APP: variants seen among roughly 807,000 people sequenced by gnomAD.
The protein encoded by APP is amyloid-beta precursor protein.
A neutral mutation model predicts 101.4 loss-of-function variants in APP; 31 were observed. That is an observed-to-expected ratio of 0.31 (90% CI 0.23 to 0.41). The LOEUF (loss-of-function observed/expected upper bound fraction) is 0.41, where lower values mean the gene tolerates loss of function less well. Ranked by LOEUF, APP falls within the 10% of genes least tolerant of loss-of-function variation. The pLI is 1.00. For synonymous variants in APP, 366 were observed against 364.4 expected (o/e 1.00, Z -0.05); for missense variants, 839 against 1,003.7 (o/e 0.84, Z 2.22).
intron 5 of APP, among the ~76,000 whole-genome samples, chr21:26,047,104 C>T (rs866787270): frequency 4.6e-5 from 7 of 152,098 alleles, no homozygotes; most frequent in Admixed American, 3.3e-4. Context: ...ATTTCTGAAA[C>T]ACTACCTGTT....
At chr21:25,988,134 G>A (rs1826545179) in intron 8 of APP, among the ~76,000 whole-genome samples, 1 of 152,138 alleles carries the variant, frequency 6.6e-6, no homozygotes, top group Non-Finnish European at 1.5e-5. Flanking sequence ...GGAAGGACAT[G>A]GCAGGCAGAT....
chr21:25,958,470 G>A (rs1372720026), intron 11 of APP, among the ~76,000 whole-genome samples: 4 of 152,072 alleles, frequency 2.6e-5, no homozygotes, highest in East Asian at 3.9e-4. Flanking sequence ...GTAGAGACGG[G>A]GTTTCGCCAT....
At chr21:25,935,984 G>GA (rs1485976999) in intron 13 of APP, among the ~76,000 whole-genome samples, 1 of 152,034 alleles carries the variant, frequency 6.6e-6, no homozygotes, top group Non-Finnish European at 1.5e-5. Context: ...CTTAGGTGCA[G>GA]AAACAGGAGA....
rs2045916414 is a variant in APP, at chr21:26,053,402, AC to A, written c.356-55del. 8 of 1,238,604 alleles carry A rather than the reference AC, an allele frequency of 6.5e-6. No homozygotes were observed. In the East Asian group the frequency reaches 1.6e-4, roughly 25 times the overall value. 76.7% of individuals were successfully genotyped at this position (1,238,604 alleles called of 1,614,324 possible). ...ATTCCATCTGTATCACAGTGTTCTTACCGCAGAAGACATCAAGGAAAGATAG... is the reference window on the plus strand; with the variant it reads ...ATTCCATCTGTATCACAGTGTTCTTACGCAGAAGACATCAAGGAAAGATAG... On this transcript the variant is annotated intron_variant, in intron 3 of 17. Transcript: ENST00000346798.
intron 1 of APP, among the ~76,000 whole-genome samples, chr21:26,143,505 G>A (rs1400880795): frequency 1.3e-5 from 2 of 152,150 alleles, no homozygotes; most frequent in African/African-American, 4.8e-5. Context: ...ACTGTGAAAT[G>A]ATTATCACAA....
chr21:26,161,130 T>G (rs2063483577), intron 1 of APP, among the ~76,000 whole-genome samples: 1 of 152,202 alleles, frequency 6.6e-6, no homozygotes, highest in African/African-American at 2.4e-5. Flanking sequence ...ATACAAAATG[T>G]AAGGCATTAT....
At chr21:25,895,221 T>A (rs1279234138) in intron 16 of APP, among the ~76,000 whole-genome samples, 1 of 151,454 alleles carries the variant, frequency 6.6e-6, no homozygotes, top group Non-Finnish European at 1.5e-5. Context: ...TTGCCCAGGC[T>A]GGAGTGCGAT....
Position 25,883,629 on chromosome 21 carries a change from G to A in APP, c.2212-1858C>T, listed in dbSNP as rs557077846. ...AACTGCTTGAACCCAGGAGGCTGAG[G>A]CTGCAGTGAGCCAAGATCGTGCCAC... On this transcript the variant is annotated intron_variant, in intron 17 of 17. Coordinates refer to ENST00000346798, the MANE Select transcript of APP (RefSeq NM_000484.4). Among the ~76,000 whole-genome samples, 84 of 150,614 alleles carry A rather than the reference G, an allele frequency of 5.6e-4. 4 individuals are homozygous for A. The South Asian group carries it at 0.017, about 30-fold the overall frequency.
chr21:25,936,194 G>C (rs1185505287), intron 13 of APP, among the ~76,000 whole-genome samples: 2 of 152,124 alleles, frequency 1.3e-5, no homozygotes, highest in Non-Finnish European at 1.5e-5. Context: ...GACCTTTAAA[G>C]AGATAATTAA....
At chr21:26,125,622 C>T (rs2062666320) in intron 1 of APP, among the ~76,000 whole-genome samples, 2 of 150,980 alleles carry the variant, frequency 1.3e-5, no homozygotes, top group Middle Eastern at 6.8e-3. Context: ...TGGCCAAGGT[C>T]AACAGGCATT....
chr21:26,063,839 C>A (rs1217598551), intron 3 of APP, among the ~76,000 whole-genome samples: 3 of 152,184 alleles, frequency 2.0e-5, no homozygotes, highest in Non-Finnish European at 2.9e-5. Context: ...AAGAGTAGAG[C>A]ACATAAAGTG....
At chr21:25,913,549 C>T (rs2146325864) in intron 13 of APP, among the ~76,000 whole-genome samples, 1 of 152,302 alleles carries the variant, frequency 6.6e-6, no homozygotes, top group African/African-American at 2.4e-5. Flanking sequence ...GACTGTTAAG[C>T]ACTTACTATG....
At chr21:25,962,614 G>C (rs2041628132) in intron 11 of APP, among the ~76,000 whole-genome samples, 1 of 152,024 alleles carries the variant, frequency 6.6e-6, no homozygotes, top group African/African-American at 2.4e-5. Context: ...AGTGTGCTTG[G>C]GTACTTTAGA....
intron 2 of APP, among the ~76,000 whole-genome samples, chr21:26,091,069 A>G (rs1601434513): frequency 6.6e-6 from 1 of 152,272 alleles, no homozygotes; most frequent in South Asian, 2.1e-4. Flanking sequence ...AAACATAAAC[A>G]TAAAAATCTA....
intron 3 of APP, among the ~76,000 whole-genome samples, chr21:26,074,773 T>C (rs1313958964): frequency 6.6e-6 from 1 of 152,064 alleles, no homozygotes; most frequent in Non-Finnish European, 1.5e-5. Context: ...ATCTTTATCA[T>C]TAGCCTTAAA....
At chr21:26,125,960 C>T (rs755061141) in intron 1 of APP, among the ~76,000 whole-genome samples, 4 of 152,238 alleles carry the variant, frequency 2.6e-5, no homozygotes, top group Non-Finnish European at 5.9e-5. Context: ...TCCTTACCCC[C>T]GACGGATGTC....
At chr21:26,061,519 C>T (rs1249032379) in intron 3 of APP, among the ~76,000 whole-genome samples, 3 of 152,172 alleles carry the variant, frequency 2.0e-5, no homozygotes, top group Non-Finnish European at 4.4e-5. Context: ...GGCATCTGTA[C>T]TCAAGAGACG....
At chr21:26,006,585 T>C (rs1199683971) in intron 6 of APP, among the ~76,000 whole-genome samples, 1 of 152,232 alleles carries the variant, frequency 6.6e-6, no homozygotes, top group African/African-American at 2.4e-5. Flanking sequence ...AAAATGATTA[T>C]GCAATTCATT....
rs775129285 is a variant in APP at position 26,051,098 on chromosome 21, T to C, written c.564A>G (p.Pro188=). 4.3e-6 allele frequency: 7 copies of C among 1,614,038 alleles called. No individual in the cohort carries two copies. Among genetic ancestry groups the C allele is most frequent in the African/African-American group, 1.3e-5 (1 of 74,918 alleles). Residue 188 remains proline (P), a synonymous_variant, in exon 5 of 18, where the codon CCA becomes CCG. Coordinates refer to ENST00000346798, the MANE Select transcript of APP (RefSeq NM_000484.4). ...KFRGVEFVCC[P]LAEESDNVDS... Reference sequence around the variant, plus strand: ...CCACATTGTCACTTTCTTCAGCCAGTGGGCAACACACAAACTCTACCCCTC... The same window carrying C: ...CCACATTGTCACTTTCTTCAGCCAGCGGGCAACACACAAACTCTACCCCTC...
Sources: allele counts gnomAD v4.1 joint callset (sites outside exome capture counted in the v4.1 genomes callset), GRCh38; gene constraint gnomAD v4.1.1; transcripts MANE v1.5; gene names NCBI Gene and HGNC (gene_info 2026-07-23, HGNC 2026-07-21).